UNC5D: variants seen among roughly 807,000 people sequenced by gnomAD.
UNC5D encodes the protein netrin receptor UNC5D.
A neutral mutation model predicts 105.4 loss-of-function variants in UNC5D; 39 were observed. The ratio of observed to expected loss-of-function variants is 0.37; its 90% CI spans 0.29 to 0.48. The LOEUF (loss-of-function observed/expected upper bound fraction) is 0.48, where lower values mean the gene tolerates loss of function less well. Ranked by LOEUF, UNC5D falls within the 20% of genes least tolerant of loss-of-function variation. UNC5D has a pLI of 0.98. For synonymous variants in UNC5D, 452 were observed against 450.4 expected, an observed-to-expected ratio of 1.00 and a Z score of -0.04; for missense variants, 991 against 1,202.4, an observed-to-expected ratio of 0.82 and a Z score of 2.60.
chr8:35,772,732 G>T (rs4538874), intron 15 of UNC5D, among the ~76,000 whole-genome samples: 30,928 of 151,456 alleles, frequency 0.2, 9,043 homozygotes, highest in African/African-American at 0.65. Flanking sequence ...AAATGACATT[G>T]ATTTATTATG....
chr8:35,263,732 C>T (rs1804644884), intron 1 of UNC5D, among the ~76,000 whole-genome samples: 1 of 152,190 alleles, frequency 6.6e-6, no homozygotes, highest in African/African-American at 2.4e-5. Context: ...AATAAATGAC[C>T]TGACCTTAGG....
intron 4 of UNC5D, among the ~76,000 whole-genome samples, chr8:35,618,976 C>A (rs1291151020): frequency 6.6e-6 from 1 of 152,192 alleles, no homozygotes; most frequent in Non-Finnish European, 1.5e-5. Context: ...AAAGACAATT[C>A]ATGGACAGCA....
At chr8:35,782,041 T>G (rs1802525568) in intron 16 of UNC5D, among the ~76,000 whole-genome samples, 1 of 152,226 alleles carries the variant, frequency 6.6e-6, no homozygotes, top group East Asian at 1.9e-4. Flanking sequence ...GGGTTTTCCA[T>G]GCCAGCTTCC....
intron 1 of UNC5D, among the ~76,000 whole-genome samples, chr8:35,446,501 G>T (rs1386411068): frequency 1.3e-5 from 2 of 151,254 alleles, no homozygotes; most frequent in African/African-American, 2.4e-5. Flanking sequence ...TAAAAAAAAA[G>T]TAATTACCCA....
At chr8:35,618,103 G>C (rs1821142000) in intron 4 of UNC5D, among the ~76,000 whole-genome samples, 1 of 152,172 alleles carries the variant, frequency 6.6e-6, no homozygotes, top group Non-Finnish European at 1.5e-5. Flanking sequence ...TCACCTTCTA[G>C]AGGCAGCTCT....
intron 4 of UNC5D, among the ~76,000 whole-genome samples, chr8:35,655,106 T>C (rs1212001760): frequency 6.6e-6 from 1 of 152,168 alleles, no homozygotes; most frequent in African/African-American, 2.4e-5. Context: ...AGTAATAAAG[T>C]TATAGAATTT....
In UNC5D at chr8:35,235,615, T is replaced by G; in HGVS notation, c.-170T>G. The G allele has an allele frequency of 6.7e-6, 3 of 449,198 alleles. No individual in the cohort carries two copies. The highest frequency in any genetic ancestry group is 7.2e-6 in the Non-Finnish European group (2 of 278,020). 27.8% of individuals were successfully genotyped at this position (449,198 alleles called of 1,614,324 possible). A position where few individuals can be genotyped will look rare whatever the true frequency, so the allele number is the denominator to read the frequency against. ...GACGCGCCCTTTCTCGGGGTGCCCATTCAGCGGCGGCTCGGAGCTCCCTGC... is the reference window on the plus strand; with the variant it reads ...GACGCGCCCTTTCTCGGGGTGCCCAGTCAGCGGCGGCTCGGAGCTCCCTGC... On this transcript the variant is annotated 5_prime_UTR_variant, in exon 1 of 17. Transcript: ENST00000404895.
intron 4 of UNC5D, among the ~76,000 whole-genome samples, chr8:35,658,538 G>T (rs929768316): frequency 6.6e-6 from 1 of 151,908 alleles, no homozygotes; most frequent in Non-Finnish European, 1.5e-5. Context: ...GATGTTACAC[G>T]TAATAAATGA....
chr8:35,655,920 A>C (rs898065751), intron 4 of UNC5D, among the ~76,000 whole-genome samples: 7 of 152,224 alleles, frequency 4.6e-5, no homozygotes, highest in African/African-American at 1.7e-4. Context: ...AATGTTAGTC[A>C]TGTACTTATA....
At chr8:35,591,674 T>G (rs999017056) in intron 3 of UNC5D, among the ~76,000 whole-genome samples, 29 of 152,272 alleles carry the variant, frequency 1.9e-4, no homozygotes, top group Middle Eastern at 6.8e-3. Flanking sequence ...CTTTATCACT[T>G]TCCCCTTACC....
intron 1 of UNC5D, among the ~76,000 whole-genome samples, chr8:35,437,574 G>T (rs1290486353): frequency 6.6e-6 from 1 of 152,038 alleles, no homozygotes; most frequent in Admixed American, 6.6e-5. Context: ...TTATATACAT[G>T]AATGATATTT....
chr8:35,432,514 A>C (rs1413124275), intron 1 of UNC5D, among the ~76,000 whole-genome samples: 1 of 151,976 alleles, frequency 6.6e-6, no homozygotes, highest in African/African-American at 2.4e-5. Context: ...TATCCACTTC[A>C]CTCTTACCAA....
Position 35,731,399 on chromosome 8 carries a change from C to CAAAAAAAA in UNC5D, c.1766+326_1766+333dup, listed in dbSNP as rs57529561. 7.8e-4 allele frequency among the ~76,000 whole-genome samples: 24 copies of CAAAAAAAA among 30,656 alleles called. 2 individuals are homozygous for CAAAAAAAA. The highest frequency in any genetic ancestry group is 1.5e-3 in the African/African-American group (24 of 15,720). 20.1% of individuals were successfully genotyped at this position (30,656 alleles called of 152,430 possible). ...CTGGGCAACAGTGAGACTCTGTCTC[C>CAAAAAAAA]AAAAAAAAAAAAAAAAAAAAAAAAA... is the stretch of plus-strand genomic sequence containing the variant. On this transcript the variant is annotated intron_variant, in intron 11 of 16. Coordinates refer to ENST00000404895, the MANE Select transcript of UNC5D (RefSeq NM_080872.4).
intron 4 of UNC5D, among the ~76,000 whole-genome samples, chr8:35,624,424 C>T (rs1240547223): frequency 1.3e-5 from 2 of 152,134 alleles, no homozygotes; most frequent in African/African-American, 4.8e-5. Flanking sequence ...CCTTTATTCC[C>T]AACATGCATG....
At chr8:35,709,987 C>T (rs984542262) in intron 8 of UNC5D, among the ~76,000 whole-genome samples, 4 of 152,178 alleles carry the variant, frequency 2.6e-5, no homozygotes, top group African/African-American at 9.6e-5. Flanking sequence ...ACTGTAAGGA[C>T]TTTGACTTTC....
intron 1 of UNC5D, among the ~76,000 whole-genome samples, chr8:35,513,524 C>A (rs117717193): frequency 6.6e-6 from 1 of 150,732 alleles, no homozygotes; most frequent in Non-Finnish European, 1.5e-5. Context: ...CCACCATGCC[C>A]GGCCGGGCCC....
At chr8:35,250,687 G>A (rs1213038855) in intron 1 of UNC5D, among the ~76,000 whole-genome samples, 1 of 152,068 alleles carries the variant, frequency 6.6e-6, no homozygotes, top group Non-Finnish European at 1.5e-5. Flanking sequence ...AGTAGAGACG[G>A]GGTTTCACCA....
intron 1 of UNC5D, among the ~76,000 whole-genome samples, chr8:35,536,471 A>G (rs552433627): frequency 2.6e-5 from 4 of 152,258 alleles, no homozygotes; most frequent in African/African-American, 9.6e-5. Context: ...AACAAATCCC[A>G]TGTCTTTTCC....
chr8:35,381,802 CTG>C (rs1177057270), intron 1 of UNC5D, among the ~76,000 whole-genome samples: 2 of 152,202 alleles, frequency 1.3e-5, no homozygotes, highest in Non-Finnish European at 2.9e-5. Flanking sequence ...TATAGTCACA[CTG>C]TGTTTTGCAC....
Sources: gnomAD v4.1 joint callset for allele counts (sites outside exome capture counted in the v4.1 genomes callset) on GRCh38, gnomAD v4.1.1 for gene constraint, MANE v1.5 for transcripts, NCBI Gene and HGNC (gene_info 2026-07-23, HGNC 2026-07-21) for gene names.